The following ESRP1 variants were observed in gnomAD, a reference collection of about 807,000 sequenced individuals.
ESRP1 encodes the protein epithelial splicing regulatory protein 1.
ESRP1 carries 33 observed loss-of-function variants against 81.7 expected under a neutral mutation model. The observed-to-expected ratio is 0.40, with a 90% CI of 0.31 to 0.54. The LOEUF is 0.54. ESRP1 is among the 20% of genes least tolerant of loss of function. ESRP1 has a pLI of 0.41. For missense variants in ESRP1, 672 were observed against 833.1 expected (o/e 0.81, Z 2.38); for synonymous variants, 320 against 303.3 (o/e 1.06, Z -0.57).
intron 4 of ESRP1, among the ~76,000 whole-genome samples, chr8:94,660,950 A>G (rs1394883717): frequency 6.6e-6 from 1 of 152,132 alleles, no homozygotes; most frequent in Non-Finnish European, 1.5e-5. Context: ...ATCTATGAGT[A>G]GCCATCAACA....
intron 4 of ESRP1, among the ~76,000 whole-genome samples, chr8:94,651,743 G>A (rs1429372754): frequency 4.6e-5 from 7 of 151,766 alleles, no homozygotes; most frequent in Non-Finnish European, 8.8e-5. Context: ...CAGCCTCCCA[G>A]GTAGCTGGGA....
At chr8:94,654,907 A>G (rs1255771926) in intron 4 of ESRP1, among the ~76,000 whole-genome samples, 1 of 150,698 alleles carries the variant, frequency 6.6e-6, no homozygotes, top group Non-Finnish European at 1.5e-5. Flanking sequence ...TTCAAGCCTG[A>G]AGATCCTGCC....
chr8:94,666,779 T>C (rs1819036751), intron 9 of ESRP1, among the ~76,000 whole-genome samples: 1 of 146,936 alleles, frequency 6.8e-6, no homozygotes, highest in Non-Finnish European at 1.6e-5. Flanking sequence ...GGGTCAAATA[T>C]ATTTGGGGTT....
At chr8:94,666,235 G>A (rs1246987537) in intron 9 of ESRP1, among the ~76,000 whole-genome samples, 1 of 152,136 alleles carries the variant, frequency 6.6e-6, no homozygotes, top group Non-Finnish European at 1.5e-5. Flanking sequence ...AAACATCTCT[G>A]TTGGAGCTGG....
chr8:94,660,541 C>T (rs1402840773), intron 4 of ESRP1, among the ~76,000 whole-genome samples: 1 of 151,902 alleles, frequency 6.6e-6, no homozygotes, highest in African/African-American at 2.4e-5. Flanking sequence ...GAGTTCGAGA[C>T]CAGCCTGGCC....
intron 13 of ESRP1, among the ~76,000 whole-genome samples, chr8:94,688,015 T>G (rs1809211285): frequency 6.6e-6 from 1 of 152,230 alleles, no homozygotes; most frequent in Non-Finnish European, 1.5e-5. Flanking sequence ...GTTTTAGCTC[T>G]TAGATTTAGG....
At chr8:94,662,730 C>T (rs569554782) in intron 6 of ESRP1, among the ~76,000 whole-genome samples, 175 bp downstream of exon 6, 160 of 152,100 alleles carry the variant, frequency 1.1e-3, no homozygotes, top group Middle Eastern at 3.4e-3. Context: ...GCCTCAGCCT[C>T]CCGAGTAGCT....
intron 1 of ESRP1, 99 bp from the exon 2 acceptor site, chr8:94,641,857 G>A: frequency 6.5e-7 from 1 of 1,541,314 alleles, no homozygotes; most frequent in African/African-American, 1.4e-5. Context: ...CGGACCCCAA[G>A]AGAGGCGCGG....
At chr8:94,663,486 T>C (rs1466428410) in intron 6 of ESRP1, among the ~76,000 whole-genome samples, 1 of 152,082 alleles carries the variant, frequency 6.6e-6, no homozygotes, top group East Asian at 1.9e-4. Flanking sequence ...CCTCATGTGA[T>C]CTACCCACCT....
intron 12 of ESRP1, among the ~76,000 whole-genome samples, chr8:94,675,642 T>C (rs951658626): frequency 2.6e-5 from 4 of 152,212 alleles, no homozygotes; most frequent in East Asian, 1.9e-4. Flanking sequence ...CCACTGGTAA[T>C]GTCAGTAGCT....
At chr8:94,664,146 G>T (rs1818895195) in intron 6 of ESRP1, among the ~76,000 whole-genome samples, 1 of 110,488 alleles carries the variant, frequency 9.1e-6, no homozygotes, top group Non-Finnish European at 2.0e-5. Context: ...TTTTTTGAGA[G>T]GGAGTCTTGC....
chr8:94,642,996 A>C (rs1472713838), intron 2 of ESRP1, among the ~76,000 whole-genome samples: 1 of 152,250 alleles, frequency 6.6e-6, no homozygotes, highest in Non-Finnish European at 1.5e-5. Flanking sequence ...TGTAATCTGC[A>C]GGCAACCTGC....
chr8:94,682,512 A>G (rs370267797), intron 13 of ESRP1, among the ~76,000 whole-genome samples: 11 of 152,020 alleles, frequency 7.2e-5, no homozygotes, highest in African/African-American at 1.9e-4. Flanking sequence ...GACTATAGGC[A>G]TGCACCACCT....
chr8:94,653,934 T>C (rs1387571610), intron 4 of ESRP1, among the ~76,000 whole-genome samples: 4 of 152,240 alleles, frequency 2.6e-5, no homozygotes, highest in Non-Finnish European at 4.4e-5. Context: ...GACACTGGCC[T>C]GTCATCTGCA....
chr8:94,663,201 A>T (rs1298989556), intron 6 of ESRP1, among the ~76,000 whole-genome samples: 1 of 152,134 alleles, frequency 6.6e-6, no homozygotes, highest in African/African-American at 2.4e-5. Context: ...AGAGTTCACA[A>T]TTTTTACTGA....
intron 6 of ESRP1, 125 bp from the exon 7 acceptor site, chr8:94,664,572 A>ATT (rs1818923034): frequency 1.5e-6 from 1 of 682,194 alleles, no homozygotes; most frequent in African/African-American, 1.8e-5. Context: ...ATCAAGTAGT[A>ATT]TTGCTAGTCT....
intron 9 of ESRP1, among the ~76,000 whole-genome samples, chr8:94,666,700 G>C (rs950647118): frequency 6.6e-6 from 1 of 152,090 alleles, no homozygotes; most frequent in African/African-American, 2.4e-5. Context: ...AAACTCTAAG[G>C]CTTCAAAATT....
At chr8:94,655,137 T>TG (rs1387208822) in intron 4 of ESRP1, among the ~76,000 whole-genome samples, 18 of 151,090 alleles carry the variant, frequency 1.2e-4, no homozygotes, top group Non-Finnish European at 2.5e-4. Context: ...TCACCCAGGC[T>TG]GGGGTGCAGT....
At chr8:94,689,879 C>T (rs1431510157) in intron 13 of ESRP1, among the ~76,000 whole-genome samples, 1 of 143,098 alleles carries the variant, frequency 7.0e-6, no homozygotes, top group African/African-American at 2.6e-5. Flanking sequence ...TGCAGTGGCG[C>T]CATCTCAGCT....
Sources: allele counts gnomAD v4.1 joint callset (sites outside exome capture counted in the v4.1 genomes callset), GRCh38; gene constraint gnomAD v4.1.1; transcripts MANE v1.5; gene names NCBI Gene and HGNC (gene_info 2026-07-23, HGNC 2026-07-21).